MICAL3: variants seen among roughly 807,000 people sequenced by gnomAD.
The protein encoded by MICAL3 is [F-actin]-monooxygenase MICAL3.
MICAL3 carries 62 observed loss-of-function variants against 207.4 expected under a neutral mutation model. That is an observed-to-expected ratio of 0.30 (90% CI 0.24 to 0.37). The LOEUF is 0.37. Among genes scored for constraint, MICAL3 ranks in the 10% least tolerant of loss-of-function variants. The pLI is 1.00. For missense variants in MICAL3, 2,368 were observed against 2,635.6 expected (o/e 0.90, Z 2.22); for synonymous variants, 1,077 against 1,069.3 (o/e 1.01, Z -0.14).
chr22:17,906,924 T>C (rs1412547005), intron 1 of MICAL3, 38 bp from the exon 2 acceptor site: 5 of 1,080,748 alleles, frequency 4.6e-6, no homozygotes, highest in Non-Finnish European at 6.7e-6. Context: ...AGCATTTCTC[T>C]GTCTACAAAC....
chr22:17,803,355 GGA>G (rs1423703308), intron 29 of MICAL3, among the ~76,000 whole-genome samples: 1 of 152,154 alleles, frequency 6.6e-6, no homozygotes, highest in Non-Finnish European at 1.5e-5. Flanking sequence ...AGCTCTTCTG[GGA>G]GAAACGAGAC....
chr22:17,987,580 C>T (rs1049539416), intron 1 of MICAL3, among the ~76,000 whole-genome samples: 8 of 152,204 alleles, frequency 5.3e-5, no homozygotes, highest in African/African-American at 1.7e-4. Flanking sequence ...GGTACCTACC[C>T]ACCTGTATGG....
At chr22:17,993,542 C>T in intron 1 of MICAL3, among the ~76,000 whole-genome samples, 1 of 152,100 alleles carries the variant, frequency 6.6e-6, no homozygotes, top group Non-Finnish European at 1.5e-5. Flanking sequence ...AGAAGGGCTT[C>T]TTCATCTTTT....
intron 28 of MICAL3, among the ~76,000 whole-genome samples, chr22:17,810,054 AT>A (rs758573402): frequency 0.059 from 5,634 of 96,264 alleles, 132 homozygotes; most frequent in African/African-American, 0.14. Flanking sequence ...ATGCCTGGCT[AT>A]TTTTTTTTTT....
intron 1 of MICAL3, among the ~76,000 whole-genome samples, chr22:17,966,429 C>T (rs955235686): frequency 6.6e-6 from 1 of 152,214 alleles, no homozygotes; most frequent in African/African-American, 2.4e-5. Flanking sequence ...CCCTCCACCT[C>T]CTCACTCCTC....
intron 16 of MICAL3, among the ~76,000 whole-genome samples, chr22:17,877,464 ATTATGGAGGTTAGGGAGG>A (rs1569110574): frequency 1.5e-3 from 42 of 27,134 alleles, no homozygotes; most frequent in East Asian, 2.8e-3. Flanking sequence ...GGTTAGGGAG[ATTATGGAGGTTAGGGAGG>A]TTATGGAGGT....
rs184667758 is a variant in MICAL3, at chr22:17,943,682, T to C, written c.-74-36796A>G. 2.6e-5 allele frequency among the ~76,000 whole-genome samples: 4 copies of C among 152,294 alleles called. No individual in the cohort carries two copies. In the East Asian group the frequency reaches 7.7e-4, roughly 29 times the overall value. On this transcript the variant is annotated intron_variant, in intron 1 of 31. Coordinates refer to ENST00000441493, the MANE Select transcript of MICAL3 (RefSeq NM_015241.3). ...TCCCATCTTGTTTGATAGCGTAAAC[T>C]GGAGGAAACAAAAGAGCAATAATAG... is the stretch of plus-strand genomic sequence containing the variant.
In MICAL3 at chr22:17,886,060, T is replaced by G. The variant is rs1182696205; in HGVS notation, c.2068-9A>C. 6.2e-7 allele frequency: 1 copy of G among 1,613,438 alleles called. No homozygotes were observed. Among genetic ancestry groups the G allele is most frequent in the African/African-American group, 1.3e-5 (1 of 74,898 alleles). On this transcript the variant is annotated splice_polypyrimidine_tract_variant and intron_variant, in intron 15 of 31. Transcript: ENST00000441493. ...CCCCGAGGAGCTTCCTCCTGGTCAA[T>G]GCCAACCCCAAAGAACCCGGCGCTG...
intron 1 of MICAL3, among the ~76,000 whole-genome samples, chr22:17,916,074 A>AC (rs1569131709): frequency 1.3e-5 from 2 of 149,238 alleles, no homozygotes; most frequent in African/African-American, 2.5e-5. Flanking sequence ...AAAAAAAAAA[A>AC]AAAAAACCCA....
chr22:17,912,056 C>T (rs1333144424), intron 1 of MICAL3, among the ~76,000 whole-genome samples: 1 of 151,822 alleles, frequency 6.6e-6, no homozygotes, highest in Non-Finnish European at 1.5e-5. Flanking sequence ...GAGGCTGAAG[C>T]AGGAGGATTA....
intron 16 of MICAL3, chr22:17,879,230 G>T: frequency 1.2e-6 from 1 of 808,224 alleles, no homozygotes; most frequent in Non-Finnish European, 1.9e-6. Context: ...ACAAGAGCGT[G>T]CAAAAAGCAA....
intron 19 of MICAL3, among the ~76,000 whole-genome samples, chr22:17,855,535 G>A (rs1448964548): frequency 2.0e-5 from 3 of 152,220 alleles, no homozygotes; most frequent in Admixed American, 6.5e-5. Flanking sequence ...CAGGGCGGAC[G>A]GATGGAGGAA....
At chr22:17,835,020 G>A (rs1307156760) in intron 20 of MICAL3, among the ~76,000 whole-genome samples, 2 of 152,210 alleles carry the variant, frequency 1.3e-5, no homozygotes, top group East Asian at 3.8e-4. Flanking sequence ...CAGTTCACTG[G>A]GAGGGGGCCT....
intron 1 of MICAL3, among the ~76,000 whole-genome samples, chr22:17,931,999 C>T (rs1423359960): frequency 1.3e-5 from 2 of 152,160 alleles, no homozygotes; most frequent in Non-Finnish European, 2.9e-5. Context: ...GTGGAAAATA[C>T]AGACAATAAA....
chr22:17,976,531 A>ATG lies in MICAL3; in HGVS notation c.-75+47749_-75+47750insCA, dbSNP rs1239655452. Among the ~76,000 whole-genome samples the ATG allele has an allele frequency of 4.4e-3, 500 of 114,430 alleles. 5 individuals carry two copies. The highest frequency in any genetic ancestry group is 0.019 in the African/African-American group (480 of 25,542). The allele number at this position is 114,430 out of a possible 152,430, so 75.1% of individuals were successfully genotyped here. On this transcript the variant is annotated intron_variant, in intron 1 of 31. Coordinates refer to ENST00000441493, the MANE Select transcript of MICAL3 (RefSeq NM_015241.3). The stretch of plus-strand genomic sequence containing the variant: ...AAAATATACATGTATATATGTGTAT[A>ATG]TATATGTGTGTGTGTGTGTGTGTGT...
In MICAL3 at chr22:17,872,691, G is replaced by T. The variant is rs1412363063; in HGVS notation, c.2242-668C>A. On this transcript the variant is annotated intron_variant, in intron 16 of 31. Coordinates refer to ENST00000441493, the MANE Select transcript of MICAL3 (RefSeq NM_015241.3). ...GCTATAAGTGACTCAGCACACAGGT[G>T]TGTTTCCCATGGCTGTGCTGGGTCT... is the stretch of plus-strand genomic sequence containing the variant. 5.7e-6 allele frequency: 6 copies of T among 1,046,400 alleles called. No individual in the cohort carries two copies. The East Asian group carries it at 1.2e-4, about 21-fold the overall frequency. 64.8% of individuals were successfully genotyped at this position (1,046,400 alleles called of 1,614,324 possible).
Position 17,818,440 on chromosome 22 carries a change from C to T in MICAL3, c.4221G>A (p.Pro1407=), listed in dbSNP as rs781491482. 28 of 1,612,674 alleles carry T rather than the reference C, an allele frequency of 1.7e-5. No homozygotes were observed. Among genetic ancestry groups the T allele is most frequent in the African/African-American group, 9.3e-5 (7 of 74,932 alleles). ...EPLSLPTPRS[P]SDRELRSAQE... ...GGGCGCTGCGTAGCTCTCTGTCGGA[C>T]GGGGACCGGGGGGTTGGCAGGGACA... is the stretch of plus-strand genomic sequence containing the variant. The change falls in exon 26 of 32, where the codon CCG becomes CCA. Residue 1407 remains proline (P), a synonymous_variant. Coordinates refer to ENST00000441493, the MANE Select transcript of MICAL3 (RefSeq NM_015241.3).
At chr22:17,888,933 G>GTGTT in intron 13 of MICAL3, 101 bp downstream of exon 13, 1 of 732,702 alleles carries the variant, frequency 1.4e-6, no homozygotes, top group East Asian at 2.8e-5. Flanking sequence ...GAGTAACTTT[G>GTGTT]TGTTTGGTGG....
chr22:17,849,051 A>G (rs947085930), intron 19 of MICAL3, among the ~76,000 whole-genome samples: 1 of 152,212 alleles, frequency 6.6e-6, no homozygotes, highest in African/African-American at 2.4e-5. Flanking sequence ...ACTGGCAGGG[A>G]GAGTGTGTTC....
Sources: allele counts gnomAD v4.1 joint callset (sites outside exome capture counted in the v4.1 genomes callset), GRCh38; gene constraint gnomAD v4.1.1; transcripts MANE v1.5; gene names NCBI Gene and HGNC (gene_info 2026-07-23, HGNC 2026-07-21).